The following TMEM135 variants were observed in gnomAD, a reference collection of about 807,000 sequenced individuals.
TMEM135 encodes transmembrane protein 135.
Under a neutral mutation model 60.3 loss-of-function variants are expected in TMEM135, and 30 were observed. The ratio of observed to expected loss-of-function variants is 0.50; its 90% CI spans 0.37 to 0.68. The LOEUF (loss-of-function observed/expected upper bound fraction) is 0.68, where lower values mean the gene tolerates loss of function less well. Ranked by LOEUF, TMEM135 falls within the 30% of genes least tolerant of loss-of-function variation. The pLI is 0.00. For synonymous variants in TMEM135, 190 were observed against 186.7 expected (o/e 1.02, Z -0.14); for missense variants, 468 against 548.8 (o/e 0.85, Z 1.47).
intron 1 of TMEM135, among the ~76,000 whole-genome samples, chr11:87,054,391 G>A (rs1022735278): frequency 2.6e-5 from 4 of 152,038 alleles, no homozygotes; most frequent in South Asian, 2.1e-4. Flanking sequence ...CCTAGATTGC[G>A]CCACTGGACT....
chr11:87,323,873 A>T lies in TMEM135; in HGVS notation c.*2540A>T. On this transcript the variant is annotated 3_prime_UTR_variant, in exon 15 of 15. Coordinates refer to ENST00000305494, the MANE Select transcript of TMEM135 (RefSeq NM_022918.4). The stretch of plus-strand genomic sequence containing the variant: ...TTGGTTTAGTTTTATTTTCCCATAA[A>T]TTCTGCTTTTGCTTCTGTAACTTTT... The T allele has an allele frequency of 2.2e-6, 1 of 452,178 alleles. No individual in the cohort carries two copies. Among genetic ancestry groups the T allele is most frequent in the Non-Finnish European group, 4.4e-6 (1 of 226,376 alleles). 28.0% of individuals were successfully genotyped at this position (452,178 alleles called of 1,614,324 possible).
chr11:87,268,085 A>T (rs1941785484), intron 6 of TMEM135, among the ~76,000 whole-genome samples: 1 of 151,578 alleles, frequency 6.6e-6, no homozygotes, highest in Non-Finnish European at 1.5e-5. Flanking sequence ...TTCAGGGGAG[A>T]TTAAGTACCT....
In TMEM135 at chr11:87,080,168, G is replaced by GTTTT. The variant is rs35717116; in HGVS notation, c.362+8567_362+8570dup. ...CTTTCTTCTTTTGCCTGTTTGCAGT[G>GTTTT]TTTTTTTTTTTTTTTTTGATATCAA... On this transcript the variant is annotated intron_variant, in intron 3 of 14. Coordinates refer to ENST00000305494, the MANE Select transcript of TMEM135 (RefSeq NM_022918.4). 9.0e-3 allele frequency among the ~76,000 whole-genome samples: 1,158 copies of GTTTT among 128,270 alleles called. 38 individuals are homozygous for GTTTT. The highest frequency in any genetic ancestry group is 0.051 in the South Asian group (203 of 3,982). The allele number at this position is 128,270 out of a possible 152,430, so 84.2% of individuals were successfully genotyped here. A position where few individuals can be genotyped will look rare whatever the true frequency, so the allele number is the denominator to read the frequency against.
intron 4 of TMEM135, among the ~76,000 whole-genome samples, chr11:87,149,032 T>TTGTG (rs553840798): frequency 0.065 from 9,327 of 143,612 alleles, 355 homozygotes; most frequent in South Asian, 0.1. Context: ...CCCCATACCT[T>TTGTG]TGTGTGTGTG....
At chr11:87,263,232 A>C (rs1941688246) in intron 6 of TMEM135, among the ~76,000 whole-genome samples, 1 of 152,230 alleles carries the variant, frequency 6.6e-6, no homozygotes, top group African/African-American at 2.4e-5. Context: ...AAATAAGGAA[A>C]CTAAGATAAA....
At chr11:87,169,256 G>C (rs1244724732) in intron 5 of TMEM135, among the ~76,000 whole-genome samples, 1 of 146,450 alleles carries the variant, frequency 6.8e-6, no homozygotes, top group African/African-American at 2.5e-5. Flanking sequence ...TCTTTATCTA[G>C]TTTGCCAGTC....
In TMEM135 at chr11:87,185,542, T is replaced by C. The variant is rs535403418; in HGVS notation, c.462+28136T>C. Among the ~76,000 whole-genome samples, 4 of 152,310 alleles carry C rather than the reference T, an allele frequency of 2.6e-5. No homozygotes were observed. In the South Asian group the frequency reaches 6.2e-4, roughly 24 times the overall value. On this transcript the variant is annotated intron_variant, in intron 5 of 14. Transcript: ENST00000305494. ...TTCTCCTCTCAGAAATAAATCATAATTGGTTTTGTGTACTTCCATGAAGAG... is the reference window on the plus strand; with the variant it reads ...TTCTCCTCTCAGAAATAAATCATAACTGGTTTTGTGTACTTCCATGAAGAG...
intron 6 of TMEM135, among the ~76,000 whole-genome samples, chr11:87,284,613 A>G (rs1268863201): frequency 6.6e-6 from 1 of 152,254 alleles, no homozygotes; most frequent in Non-Finnish European, 1.5e-5. Context: ...AAAGCCAAGT[A>G]TCAGTGTTCC....
chr11:87,275,481 T>TA (rs1026872053), intron 6 of TMEM135, among the ~76,000 whole-genome samples: 91 of 149,146 alleles, frequency 6.1e-4, no homozygotes, highest in African/African-American at 1.5e-3. Flanking sequence ...TGCCAAAAAT[T>TA]AAAAAAAAAA....
At chr11:87,180,354 TC>T (rs1044496631) in intron 5 of TMEM135, among the ~76,000 whole-genome samples, 6 of 152,086 alleles carry the variant, frequency 3.9e-5, no homozygotes, top group Non-Finnish European at 8.8e-5. Context: ...TTTGCTTTTT[TC>T]CCCCCTTTCT....
chr11:87,256,402 T>G (rs771351215), intron 6 of TMEM135, among the ~76,000 whole-genome samples: 1 of 152,198 alleles, frequency 6.6e-6, no homozygotes, highest in Non-Finnish European at 1.5e-5. Flanking sequence ...CGGTTCGCTA[T>G]GAAAAGATGA....
At chr11:87,299,242 C>G (rs1942403361) in intron 7 of TMEM135, among the ~76,000 whole-genome samples, 1 of 152,214 alleles carries the variant, frequency 6.6e-6, no homozygotes, top group Admixed American at 6.5e-5. Context: ...AATTGACTCA[C>G]AGTTCCTTAT....
chr11:87,290,235 A>G (rs762390225), intron 6 of TMEM135, among the ~76,000 whole-genome samples: 24 of 152,146 alleles, frequency 1.6e-4, no homozygotes, highest in Admixed American at 1.4e-3. Flanking sequence ...ACGTTATCCA[A>G]TTTTGTGTTG....
At chr11:87,152,315 G>T (rs576528) in intron 4 of TMEM135, among the ~76,000 whole-genome samples, 33,254 of 151,900 alleles carry the variant, frequency 0.22, 4,215 homozygotes, top group East Asian at 0.54. Flanking sequence ...ATTTCTGGAG[G>T]GAGTAACGTT....
chr11:87,285,982 T>C (rs1300053585), intron 6 of TMEM135, among the ~76,000 whole-genome samples: 1 of 151,968 alleles, frequency 6.6e-6, no homozygotes, highest in Non-Finnish European at 1.5e-5. Context: ...ACATAAAAGT[T>C]CTCCAAGTCC....
At position 87,244,582 on chromosome 11, in the gene TMEM135, G is replaced by A. The variant is rs1941214601; in HGVS notation, c.509+7898G>A. On this transcript the variant is annotated intron_variant, in intron 6 of 14. Transcript: ENST00000305494. ...CTTCTTCCTGGTTTAGTCTTGGGAG[G>A]ATGTATGTGTCGAGGAATTCATCCA... Among the ~76,000 whole-genome samples, 2 of 81,552 alleles carry A rather than the reference G, an allele frequency of 2.5e-5. 1 individual carries two copies. The allele number at this position is 81,552 out of a possible 152,430, so 53.5% of individuals were successfully genotyped here.
intron 5 of TMEM135, among the ~76,000 whole-genome samples, chr11:87,182,617 A>C (rs1394398416): frequency 1.3e-5 from 2 of 152,102 alleles, no homozygotes; most frequent in Non-Finnish European, 2.9e-5. Flanking sequence ...TATTATGGAG[A>C]TGTCTGAAGG....
intron 4 of TMEM135, among the ~76,000 whole-genome samples, chr11:87,138,935 AACTT>A (rs1938189092): frequency 6.6e-6 from 1 of 152,176 alleles, no homozygotes; most frequent in South Asian, 2.1e-4. Context: ...GGGTTTTCAT[AACTT>A]ACTTATCTTG....
At position 87,064,371 on chromosome 11, in the gene TMEM135, A is replaced by C. The variant is rs150128608; in HGVS notation, c.142-3323A>C. Among the ~76,000 whole-genome samples the C allele has an allele frequency of 1.7e-3, 251 of 151,624 alleles. 2 individuals are homozygous for C. Among genetic ancestry groups the C allele is most frequent in the African/African-American group, 5.7e-3 (235 of 41,252 alleles). Reference sequence around the variant, plus strand: ...CTTCAAGAGATTCAGTTAACTCTTTATCCAGTTTCTCCCAATTGTTTCATC... The same window carrying C: ...CTTCAAGAGATTCAGTTAACTCTTTCTCCAGTTTCTCCCAATTGTTTCATC... On this transcript the variant is annotated intron_variant, in intron 1 of 14. Coordinates refer to ENST00000305494, the MANE Select transcript of TMEM135 (RefSeq NM_022918.4).
Sources: gnomAD v4.1 joint callset for allele counts (sites outside exome capture counted in the v4.1 genomes callset) on GRCh38, gnomAD v4.1.1 for gene constraint, MANE v1.5 for transcripts, NCBI Gene and HGNC (gene_info 2026-07-23, HGNC 2026-07-21) for gene names.